The following RASEF variants were observed in gnomAD, a reference collection of about 807,000 sequenced individuals.
RASEF encodes ras and EF-hand domain-containing protein.
A neutral mutation model predicts 90.1 loss-of-function variants in RASEF; 68 were observed. That is an observed-to-expected ratio of 0.75 (90% CI 0.62 to 0.92). The LOEUF is 0.92. RASEF is among the 40% of genes least tolerant of loss of function. The pLI, the probability that RASEF is intolerant of heterozygous loss-of-function variation, is 0.00. For missense variants in RASEF, 949 were observed against 937.2 expected (o/e 1.01, Z -0.16); for synonymous variants, 331 against 345.2 (o/e 0.96, Z 0.46).
At chr9:83,043,990 G>C (rs539812519) in intron 1 of RASEF, among the ~76,000 whole-genome samples, 1 of 152,270 alleles carries the variant, frequency 6.6e-6, no homozygotes, top group South Asian at 2.1e-4. Context: ...CAGCTCTCTT[G>C]TGGCTGCTTT....
chr9:83,200,173 C>A, the RASEF span, among the ~76,000 whole-genome samples: 1 of 151,958 alleles, frequency 6.6e-6, no homozygotes, highest in Non-Finnish European at 1.5e-5. Flanking sequence ...TAACCAGTTC[C>A]CCTCCTGAGG....
At chr9:83,112,871 G>A in the RASEF span, among the ~76,000 whole-genome samples, 1 of 152,144 alleles carries the variant, frequency 6.6e-6, no homozygotes, top group East Asian at 1.9e-4. Flanking sequence ...AAAAGACAAT[G>A]GAGATACAAA....
the RASEF span, among the ~76,000 whole-genome samples, chr9:83,101,651 C>T: frequency 2.4e-4 from 37 of 152,174 alleles, no homozygotes; most frequent in African/African-American, 8.7e-4. Flanking sequence ...CACATACACA[C>T]CACGTTGATT....
chr9:83,035,471 T>A (rs887265639), intron 1 of RASEF, among the ~76,000 whole-genome samples: 1 of 152,192 alleles, frequency 6.6e-6, no homozygotes, highest in East Asian at 1.9e-4. Context: ...TTTATTCACA[T>A]CGTGCCCCAG....
At chr9:83,182,970 T>C in the RASEF span, among the ~76,000 whole-genome samples, 1 of 151,538 alleles carries the variant, frequency 6.6e-6, no homozygotes, top group Admixed American at 6.6e-5. Flanking sequence ...CACAAAAGAG[T>C]ACACATAGCT....
the RASEF span, among the ~76,000 whole-genome samples, chr9:83,148,462 G>T: frequency 6.6e-6 from 1 of 152,154 alleles, no homozygotes; most frequent in Admixed American, 6.5e-5. Flanking sequence ...AGAGTCTGAG[G>T]TGATGCTTTA....
Position 83,025,648 on chromosome 9 carries a change from A to G in RASEF, c.578+127T>C, listed in dbSNP as rs981953240. 1.5e-5 allele frequency: 13 copies of G among 877,822 alleles called. No homozygotes were observed. The Admixed American group carries it at 3.5e-4, about 24-fold the overall frequency. 54.4% of individuals were successfully genotyped at this position (877,822 alleles called of 1,614,324 possible). ...TTGCTGGCTTAATTTTGAAAGCTCTAGACTCCTCAGGCTCAGGAAGTCCAC... is the reference window on the plus strand; with the variant it reads ...TTGCTGGCTTAATTTTGAAAGCTCTGGACTCCTCAGGCTCAGGAAGTCCAC... On this transcript the variant is annotated intron_variant, in intron 2 of 16. Coordinates refer to ENST00000376447, the MANE Select transcript of RASEF (RefSeq NM_152573.4).
At chr9:83,049,529 CTTTTTTTTTTT>C (rs10687615) in intron 1 of RASEF, among the ~76,000 whole-genome samples, 2 of 99,084 alleles carry the variant, frequency 2.0e-5, no homozygotes, top group Non-Finnish European at 3.7e-5. Context: ...TTCTGCCTTC[CTTTTTTTTTTT>C]TTTTTTTTTT....
At chr9:83,212,723 G>GA in the RASEF span, among the ~76,000 whole-genome samples, 4 of 152,208 alleles carry the variant, frequency 2.6e-5, no homozygotes, top group African/African-American at 9.7e-5. Flanking sequence ...CTATAGGCAT[G>GA]AAAAAGATGC....
chr9:83,062,393 A>G, intron 1 of RASEF, 44 bp downstream of exon 1: 1 of 1,594,482 alleles, frequency 6.3e-7, no homozygotes, highest in South Asian at 1.1e-5. Flanking sequence ...AGAAGCAAGC[A>G]GGAAGCGCCA....
At chr9:83,054,576 T>C (rs1242202349) in intron 1 of RASEF, 7 of 150,032 alleles carry the variant, frequency 4.7e-5, no homozygotes, top group Non-Finnish European at 5.9e-5. Flanking sequence ...AGCTTTGTTC[T>C]GTTGCTGGTG....
At chr9:83,039,408 C>T (rs1587514841) in intron 1 of RASEF, among the ~76,000 whole-genome samples, 1 of 152,272 alleles carries the variant, frequency 6.6e-6, no homozygotes, top group East Asian at 1.9e-4. Context: ...GGCAGGAGGT[C>T]TGGAGAAGAA....
intron 1 of RASEF, among the ~76,000 whole-genome samples, chr9:83,027,995 G>T (rs1337602161): frequency 6.6e-6 from 1 of 152,126 alleles, no homozygotes; most frequent in African/African-American, 2.4e-5. Context: ...GGCTGTGACC[G>T]GGTTGTGACA....
At chr9:83,086,979 G>T in the RASEF span, among the ~76,000 whole-genome samples, 2 of 152,234 alleles carry the variant, frequency 1.3e-5, no homozygotes, top group South Asian at 4.2e-4. Flanking sequence ...CCAGGAGTTG[G>T]GGATCATTGG....
chr9:83,025,380 G>A (rs937682701), intron 2 of RASEF, among the ~76,000 whole-genome samples: 1 of 152,116 alleles, frequency 6.6e-6, no homozygotes, highest in African/African-American at 2.4e-5. Flanking sequence ...GCAGTTGCAG[G>A]AATTGAGACT....
the RASEF span, among the ~76,000 whole-genome samples, chr9:83,090,922 T>C: frequency 6.6e-6 from 1 of 151,998 alleles, no homozygotes; most frequent in African/African-American, 2.4e-5. Context: ...AATAATAAAG[T>C]CTATATTATC....
At chr9:83,162,687 C>A in the RASEF span, among the ~76,000 whole-genome samples, 1 of 152,128 alleles carries the variant, frequency 6.6e-6, no homozygotes, top group Non-Finnish European at 1.5e-5. Context: ...ACACTGCTGC[C>A]CCAAAGACTG....
the RASEF span, among the ~76,000 whole-genome samples, chr9:83,118,573 A>G: frequency 6.6e-6 from 1 of 152,130 alleles, no homozygotes; most frequent in African/African-American, 2.4e-5. Context: ...TTGTATCCAT[A>G]TGGTTGTGTC....
At chr9:83,211,232 T>A in the RASEF span, among the ~76,000 whole-genome samples, 6 of 152,212 alleles carry the variant, frequency 3.9e-5, no homozygotes, top group African/African-American at 1.4e-4. Context: ...GGTAGCCACA[T>A]CTAGTCTCTC....
Sources: gnomAD v4.1 joint callset for allele counts (sites outside exome capture counted in the v4.1 genomes callset) on GRCh38, gnomAD v4.1.1 for gene constraint, MANE v1.5 for transcripts, NCBI Gene and HGNC (gene_info 2026-07-23, HGNC 2026-07-21) for gene names.